FHOD3: variants seen among roughly 807,000 people sequenced by gnomAD.
FHOD3 encodes formin homology 2 domain containing 3, also known as FH1/FH2 domain-containing protein 3.
Under a neutral mutation model 173.0 loss-of-function variants are expected in FHOD3, and 90 were observed. That is an observed-to-expected ratio of 0.52 (90% CI 0.44 to 0.62). The LOEUF (loss-of-function observed/expected upper bound fraction) is 0.62. FHOD3 is among the 20% of genes least tolerant of loss of function. The probability of loss-of-function intolerance (pLI) is 0.00; values close to 1 mark genes in which losing one functional copy is unlikely to be tolerated. For missense variants in FHOD3, 1,945 were observed against 2,034.7 expected (o/e 0.96, Z 0.85); for synonymous variants, 828 against 823.0 (o/e 1.01, Z -0.10).
rs376390957 is a variant in FHOD3, at chr18:36,372,733, A to G, written c.326A>G (p.His109Arg). The change falls in exon 3 of 29, where the codon CAT becomes CGT. Residue 109 changes from histidine to arginine, a missense_variant. By Grantham distance (29) the His-to-Arg change is conservative (BLOSUM62 0). Transcript: ENST00000590592. ...AGGACGCAGCTGTCTGTGAGGGTCCATGCCTGCATCGGTGAGTGACACCTG... is the reference window on the plus strand; with the variant it reads ...AGGACGCAGCTGTCTGTGAGGGTCCGTGCCTGCATCGGTGAGTGACACCTG... ...ILRTQLSVRV[H>R]ACIEKLYNSS... The G allele has an allele frequency of 4.3e-6, 7 of 1,613,914 alleles. No homozygotes were observed. Among genetic ancestry groups the G allele is most frequent in the Non-Finnish European group, 5.9e-6 (7 of 1,179,946 alleles).
chr18:36,325,542 A>C (rs2044626764), intron 1 of FHOD3, among the ~76,000 whole-genome samples: 1 of 152,176 alleles, frequency 6.6e-6, no homozygotes, highest in Non-Finnish European at 1.5e-5. Context: ...ACCAGGAAGC[A>C]GCAGAATAGC....
chr18:36,636,695 T>G (rs2034913360), intron 10 of FHOD3, among the ~76,000 whole-genome samples: 1 of 151,292 alleles, frequency 6.6e-6, no homozygotes, highest in Non-Finnish European at 1.5e-5. Flanking sequence ...TCTGGTTTTA[T>G]AAACATGAGA....
At chr18:36,629,835 C>T (rs2644255) in intron 10 of FHOD3, among the ~76,000 whole-genome samples, 148,654 of 152,048 alleles carry the variant, frequency 0.98, 72,786 homozygotes, top group East Asian at 1. Context: ...CCCAGTGGTC[C>T]CTTCGGGCAG....
At chr18:36,326,826 C>G (rs1359105888) in intron 1 of FHOD3, among the ~76,000 whole-genome samples, 1 of 152,140 alleles carries the variant, frequency 6.6e-6, no homozygotes, top group African/African-American at 2.4e-5. Flanking sequence ...TACTGAATTA[C>G]TTGGTTTGTG....
chr18:36,382,299 CT>C (rs2047830717), intron 3 of FHOD3, among the ~76,000 whole-genome samples: 1 of 152,186 alleles, frequency 6.6e-6, no homozygotes, highest in Admixed American at 6.5e-5. Context: ...CTTCCTGTCA[CT>C]GCCCACCAGA....
At chr18:36,304,185 T>G (rs2092030507) in intron 1 of FHOD3, among the ~76,000 whole-genome samples, 2 of 152,206 alleles carry the variant, frequency 1.3e-5, no homozygotes, top group Non-Finnish European at 2.9e-5. Flanking sequence ...ATATTAAAAT[T>G]ATTAACTTTA....
intron 3 of FHOD3, among the ~76,000 whole-genome samples, chr18:36,440,740 A>G (rs2051096299): frequency 6.6e-6 from 1 of 152,238 alleles, no homozygotes; most frequent in Admixed American, 6.5e-5. Context: ...ATATCTCCCC[A>G]CATAATCAAC....
At chr18:36,604,728 T>G (rs2031869612) in intron 8 of FHOD3, among the ~76,000 whole-genome samples, 1 of 152,152 alleles carries the variant, frequency 6.6e-6, no homozygotes, top group Non-Finnish European at 1.5e-5. Flanking sequence ...ATAAAACCAG[T>G]GAAACAGGTT....
At chr18:36,689,700 G>A (rs2038842436) in intron 16 of FHOD3, among the ~76,000 whole-genome samples, 1 of 152,180 alleles carries the variant, frequency 6.6e-6, no homozygotes, top group Non-Finnish European at 1.5e-5. Context: ...TTGTGGGGTA[G>A]CACAGGAGGA....
At chr18:36,502,170 A>G (rs2055065812) in intron 4 of FHOD3, among the ~76,000 whole-genome samples, 171 bp downstream of exon 4, 1 of 152,200 alleles carries the variant, frequency 6.6e-6, no homozygotes, top group African/African-American at 2.4e-5. Context: ...AATTTTTATC[A>G]TGTCAAATAT....
At chr18:36,380,578 T>TTTCCTTTCCTTTCCTTTCCTTTCCTTTCC (rs2047715673) in intron 3 of FHOD3, among the ~76,000 whole-genome samples, 5 of 52,452 alleles carry the variant, frequency 9.5e-5, no homozygotes, top group African/African-American at 4.1e-4. Flanking sequence ...TTTTCTTTTC[T>TTTCCTTTCCTTTCCTTTCCTTTCCTTTCC]TTTCCTTTCC....
At chr18:36,665,484 G>A (rs1387033167) in intron 14 of FHOD3, among the ~76,000 whole-genome samples, 1 of 152,140 alleles carries the variant, frequency 6.6e-6, no homozygotes, top group Non-Finnish European at 1.5e-5. Context: ...GCCTAGCACA[G>A]GTGCTCTGTT....
At chr18:36,369,780 T>G (rs1228868861) in intron 2 of FHOD3, among the ~76,000 whole-genome samples, 4 of 152,234 alleles carry the variant, frequency 2.6e-5, no homozygotes, top group South Asian at 2.1e-4. Flanking sequence ...TTGGTTAGGT[T>G]TTAGTACTGA....
At chr18:36,464,027 G>A (rs2052754542) in intron 3 of FHOD3, among the ~76,000 whole-genome samples, 1 of 152,094 alleles carries the variant, frequency 6.6e-6, no homozygotes, top group Non-Finnish European at 1.5e-5. Flanking sequence ...AATAGAACAA[G>A]TAGTTTTTGC....
At chr18:36,692,542 A>G (rs975271560) in intron 16 of FHOD3, among the ~76,000 whole-genome samples, 3 of 152,228 alleles carry the variant, frequency 2.0e-5, no homozygotes, top group African/African-American at 7.2e-5. Flanking sequence ...CCTGCCTGAA[A>G]TGCAAAACAG....
At chr18:36,596,872 A>G (rs1198237740) in intron 7 of FHOD3, among the ~76,000 whole-genome samples, 1 of 152,172 alleles carries the variant, frequency 6.6e-6, no homozygotes, top group East Asian at 1.9e-4. Flanking sequence ...AATCCTTGAT[A>G]AGGAATGCCA....
intron 3 of FHOD3, among the ~76,000 whole-genome samples, chr18:36,477,965 T>C (rs142637464): frequency 1.3e-5 from 2 of 152,250 alleles, no homozygotes; most frequent in East Asian, 1.9e-4. Context: ...ACTCCATGCC[T>C]CTCAACAGGT....
intron 10 of FHOD3, among the ~76,000 whole-genome samples, chr18:36,642,055 C>T (rs2035347482): frequency 6.6e-6 from 1 of 152,052 alleles, no homozygotes; most frequent in Admixed American, 6.5e-5. Context: ...CCAAATACTG[C>T]CTCTTCTCAC....
intron 1 of FHOD3, among the ~76,000 whole-genome samples, chr18:36,315,677 C>T (rs2044080131): frequency 6.6e-6 from 1 of 152,216 alleles, no homozygotes; most frequent in Non-Finnish European, 1.5e-5. Context: ...AAGCCCAGAA[C>T]CTGTGTGCTC....
Sources: allele counts gnomAD v4.1 joint callset (sites outside exome capture counted in the v4.1 genomes callset), GRCh38; gene constraint gnomAD v4.1.1; transcripts MANE v1.5; gene names NCBI Gene and HGNC (gene_info 2026-07-23, HGNC 2026-07-21).